CREB5: variants seen among roughly 807,000 people sequenced by gnomAD.
The protein encoded by CREB5 is cyclic AMP-responsive element-binding protein 5.
In CREB5, 19 loss-of-function variants were observed where a neutral mutation model predicts 57.1. The observed-to-expected ratio is 0.33, with a 90% confidence interval of 0.23 to 0.49. CREB5 has a LOEUF of 0.49. Among genes scored for constraint, CREB5 ranks in the 20% least tolerant of loss-of-function variants. The pLI, the probability that CREB5 is intolerant of heterozygous loss-of-function variation, is 0.99. For synonymous variants in CREB5, 238 were observed against 238.3 expected (o/e 1.00, Z 0.01); for missense variants, 579 against 671.6 (o/e 0.86, Z 1.52).
chr7:28,502,778 G>A (rs1435419890), intron 3 of CREB5, among the ~76,000 whole-genome samples: 3 of 152,078 alleles, frequency 2.0e-5, no homozygotes, highest in African/African-American at 7.2e-5. Context: ...ATTATTTTCT[G>A]GTATGTGATG....
intron 7 of CREB5, among the ~76,000 whole-genome samples, chr7:28,768,635 GGAA>G (rs1293367294): frequency 1.3e-5 from 2 of 152,136 alleles, no homozygotes; most frequent in African/African-American, 2.4e-5. Flanking sequence ...TGTGTTTGAG[GGAA>G]GAAGAATTCT....
intron 1 of CREB5, among the ~76,000 whole-genome samples, chr7:28,354,175 C>A (rs548487145): frequency 6.6e-6 from 1 of 152,144 alleles, no homozygotes; most frequent in African/African-American, 2.4e-5. Context: ...ATGGTTAATA[C>A]TGAGTGTCCA....
chr7:28,390,828 T>C (rs1330651120), intron 1 of CREB5, among the ~76,000 whole-genome samples: 1 of 152,064 alleles, frequency 6.6e-6, no homozygotes, highest in African/African-American at 2.4e-5. Flanking sequence ...GTTCTTAGAG[T>C]CTGGAATGCT....
At chr7:28,615,616 A>G (rs1476742378) in intron 5 of CREB5, 1 of 152,398 alleles carries the variant, frequency 6.6e-6, no homozygotes, top group East Asian at 1.9e-4. Flanking sequence ...CTGCTTTTGC[A>G]TGAGCTTAAT....
intron 7 of CREB5, among the ~76,000 whole-genome samples, chr7:28,794,384 A>G (rs1179369798): frequency 2.6e-5 from 4 of 152,208 alleles, no homozygotes; most frequent in Non-Finnish European, 4.4e-5. Flanking sequence ...CAAAGACATT[A>G]CATAGTTAGG....
chr7:28,344,122 G>A (rs1255016184), intron 1 of CREB5, among the ~76,000 whole-genome samples: 1 of 151,606 alleles, frequency 6.6e-6, no homozygotes, highest in African/African-American at 2.4e-5. Flanking sequence ...GTATAGTTTG[G>A]AAATATGTTC....
At chr7:28,805,566 C>G (rs1808670987) in intron 8 of CREB5, among the ~76,000 whole-genome samples, 1 of 152,128 alleles carries the variant, frequency 6.6e-6, no homozygotes, top group South Asian at 2.1e-4. Flanking sequence ...CTCTTGAGCC[C>G]CCCTCCATTA....
At chr7:28,524,694 A>G (rs967512646) in intron 4 of CREB5, among the ~76,000 whole-genome samples, 2 of 152,230 alleles carry the variant, frequency 1.3e-5, no homozygotes, top group South Asian at 2.1e-4. Flanking sequence ...CTTTTTATCT[A>G]TTTAATTTTC....
At chr7:28,545,599 G>GTA (rs1202905711) in intron 4 of CREB5, among the ~76,000 whole-genome samples, 1 of 152,120 alleles carries the variant, frequency 6.6e-6, no homozygotes, top group East Asian at 1.9e-4. Flanking sequence ...AGAAACATAT[G>GTA]TATATATATT....
intron 5 of CREB5, among the ~76,000 whole-genome samples, chr7:28,682,289 C>T (rs1278355961): frequency 6.6e-6 from 1 of 152,214 alleles, no homozygotes; most frequent in African/African-American, 2.4e-5. Context: ...ATGCATGCTG[C>T]ACCAGGTCAC....
chr7:28,535,376 G>C (rs1793911744), intron 4 of CREB5, among the ~76,000 whole-genome samples: 1 of 138,454 alleles, frequency 7.2e-6, no homozygotes, highest in Non-Finnish European at 1.6e-5. Context: ...AGGTGGAAGG[G>C]AGGAAGGGAG....
intron 7 of CREB5, among the ~76,000 whole-genome samples, chr7:28,789,180 C>T (rs1435467931): frequency 6.6e-6 from 1 of 152,192 alleles, no homozygotes; most frequent in African/African-American, 2.4e-5. Flanking sequence ...GATGCTAGTA[C>T]TGCATTGAGT....
intron 5 of CREB5, among the ~76,000 whole-genome samples, chr7:28,597,296 A>G (rs1218582685): frequency 1.3e-5 from 2 of 152,162 alleles, no homozygotes; most frequent in African/African-American, 4.8e-5. Context: ...AGGAGCAGCC[A>G]TCCTCTCAGG....
intron 4 of CREB5, among the ~76,000 whole-genome samples, chr7:28,511,966 A>G (rs1792720498): frequency 6.6e-6 from 1 of 152,172 alleles, no homozygotes; most frequent in South Asian, 2.1e-4. Flanking sequence ...AGATGGAGGC[A>G]GTGGATAGAT....
intron 2 of CREB5, among the ~76,000 whole-genome samples, chr7:28,488,913 C>T (rs1037778950): frequency 2.0e-5 from 3 of 152,204 alleles, no homozygotes; most frequent in Non-Finnish European, 2.9e-5. Flanking sequence ...GTTGTTACTA[C>T]TATTGCTGCT....
At chr7:28,508,992 A>T (rs1438745535) in intron 4 of CREB5, among the ~76,000 whole-genome samples, 1 of 152,226 alleles carries the variant, frequency 6.6e-6, no homozygotes, top group Non-Finnish European at 1.5e-5. Context: ...ATGTATATAT[A>T]TTTAAAACCA....
chr7:28,535,584 A>C (rs1417527622), intron 4 of CREB5, among the ~76,000 whole-genome samples: 1 of 152,022 alleles, frequency 6.6e-6, no homozygotes, highest in Admixed American at 6.5e-5. Flanking sequence ...ACAAATATTT[A>C]TGTAGTGGTT....
chr7:28,583,105 T>C (rs1796179215), intron 5 of CREB5, among the ~76,000 whole-genome samples: 1 of 152,228 alleles, frequency 6.6e-6, no homozygotes, highest in Non-Finnish European at 1.5e-5. Context: ...TTCCCAGGTA[T>C]GTCTTCAACC....
intron 5 of CREB5, among the ~76,000 whole-genome samples, chr7:28,632,070 A>G (rs1292784909): frequency 3.9e-5 from 6 of 152,218 alleles, no homozygotes; most frequent in Non-Finnish European, 7.3e-5. Context: ...AGAAAATAGC[A>G]CTGGCCACTT....
Sources: allele counts gnomAD v4.1 joint callset (sites outside exome capture counted in the v4.1 genomes callset), GRCh38; gene constraint gnomAD v4.1.1; transcripts MANE v1.5; gene names NCBI Gene and HGNC (gene_info 2026-07-23, HGNC 2026-07-21).